LACTB: variants seen among roughly 807,000 people sequenced by gnomAD.
The protein encoded by LACTB is lactamase beta.
In LACTB, 35 loss-of-function variants were observed where a neutral mutation model predicts 50.2. The observed-to-expected ratio is 0.70, with a 90% CI of 0.53 to 0.92. The LOEUF (loss-of-function observed/expected upper bound fraction) is 0.92, where lower values mean the gene tolerates loss of function less well. Among genes scored for constraint, LACTB ranks in the 40% least tolerant of loss-of-function variants. The pLI, the probability that LACTB is intolerant of heterozygous loss-of-function variation, is 0.00. For missense variants in LACTB, 664 were observed against 691.8 expected, an observed-to-expected ratio of 0.96 and a Z score of 0.45; for synonymous variants, 252 against 268.2, an observed-to-expected ratio of 0.94 and a Z score of 0.59.
chr15:63,125,163 A>G (rs1313829909), intron 2 of LACTB, among the ~76,000 whole-genome samples: 1 of 131,870 alleles, frequency 7.6e-6, no homozygotes, highest in Non-Finnish European at 1.6e-5. Context: ...CTCTATAAAA[A>G]AAATTTTATT....
rs2037228511 is a variant in LACTB, at chr15:63,141,539, T to A, written c.1378T>A (p.Tyr460Asn). 1.2e-6 allele frequency: 2 copies of A among 1,614,198 alleles called. No individual in the cohort carries two copies. Among genetic ancestry groups the A allele is most frequent in the Non-Finnish European group, 1.7e-6 (2 of 1,180,034 alleles). Reference sequence around the variant, plus strand: ...GATGTCTTGGGATAAAGAGGGTAAATATGCAATGGCGTGGGGTGTTGTGGA... The same window carrying A: ...GATGTCTTGGGATAAAGAGGGTAAAAATGCAATGGCGTGGGGTGTTGTGGA... ...TEMSWDKEGK[Y>N]AMAWGVVERK... Residue 460 changes from tyrosine to asparagine, a missense_variant, in exon 6 of 6, where the codon TAT (tyrosine) becomes AAT (asparagine). Coordinates refer to ENST00000261893, the MANE Select transcript of LACTB (RefSeq NM_032857.5).
chr15:63,124,897 G>A (rs116250683), intron 2 of LACTB, among the ~76,000 whole-genome samples: 2,166 of 152,130 alleles, frequency 0.014, 45 homozygotes, highest in African/African-American at 0.048. Flanking sequence ...GAGGTTTGCA[G>A]TGAGCCAAGA....
At chr15:63,126,832 G>A in intron 2 of LACTB, 27 bp from the exon 3 acceptor site, 1 of 1,442,008 alleles carries the variant, frequency 6.9e-7, no homozygotes, top group East Asian at 2.5e-5. Context: ...CCTGTTAATA[G>A]TGACTTTTTG....
rs111980690 is a variant in LACTB, at chr15:63,132,808, G to A, written c.1118+3158G>A. 2.7e-4 allele frequency among the ~76,000 whole-genome samples: 41 copies of A among 152,114 alleles called. 1 individual carries two copies. The highest frequency in any genetic ancestry group is 8.7e-4 in the African/African-American group (36 of 41,468). On this transcript the variant is annotated intron_variant, in intron 5 of 5. Transcript: ENST00000261893. ...TGCACTCCAGCCTGGGCAAGAGAGC[G>A]AGACCCCATTTAAAAAAAATTTTTT...
chr15:63,124,091 T>C (rs2037016084), intron 2 of LACTB, among the ~76,000 whole-genome samples: 1 of 152,160 alleles, frequency 6.6e-6, no homozygotes, highest in African/African-American at 2.4e-5. Flanking sequence ...GCAACGGGCG[T>C]CTTCCTAGAT....
chr15:63,136,679 G>C (rs2037180881), intron 5 of LACTB, among the ~76,000 whole-genome samples: 2 of 151,822 alleles, frequency 1.3e-5, no homozygotes, highest in Non-Finnish European at 2.9e-5. Context: ...AGCTTTTTGG[G>C]GGAGTTCAGG....
chr15:63,134,196 TAGTGGGTTG>T (rs2037156193), intron 5 of LACTB, among the ~76,000 whole-genome samples: 1 of 152,200 alleles, frequency 6.6e-6, no homozygotes, highest in Non-Finnish European at 1.5e-5. Context: ...AAAATCAGTT[TAGTGGGTTG>T]AGTACCAGGA....
At chr15:63,130,319 A>C (rs1010962994) in intron 5 of LACTB, 1 of 152,238 alleles carries the variant, frequency 6.6e-6, no homozygotes, top group African/African-American at 2.4e-5. Context: ...AGCCTGGCCA[A>C]TGTGGTGAAA....
chr15:63,132,719 G>A (rs993013295), intron 5 of LACTB, among the ~76,000 whole-genome samples: 2 of 152,136 alleles, frequency 1.3e-5, no homozygotes, highest in South Asian at 4.1e-4. Flanking sequence ...TACTTGGGAG[G>A]CTGAGTTGGG....
At chr15:63,125,154 T>C (rs1272405065) in intron 2 of LACTB, among the ~76,000 whole-genome samples, 2 of 144,732 alleles carry the variant, frequency 1.4e-5, no homozygotes, top group Admixed American at 7.3e-5. Context: ...CACCTGTGTC[T>C]CTATAAAAAA....
chr15:63,138,934 C>G (rs1173473143), intron 5 of LACTB, among the ~76,000 whole-genome samples: 1 of 151,066 alleles, frequency 6.6e-6, no homozygotes, highest in Non-Finnish European at 1.5e-5. Context: ...GTAATCCCAG[C>G]TACTCAGGAG....
chr15:63,132,782 C>T (rs535295937), intron 5 of LACTB, among the ~76,000 whole-genome samples: 1 of 152,262 alleles, frequency 6.6e-6, no homozygotes, highest in East Asian at 1.9e-4. Flanking sequence ...GATTGCACCA[C>T]TGCACTCCAG....
At chr15:63,125,333 A>G (rs1188010255) in intron 2 of LACTB, among the ~76,000 whole-genome samples, 3 of 151,286 alleles carry the variant, frequency 2.0e-5, no homozygotes, top group African/African-American at 7.3e-5. Context: ...ACGCCTGGCT[A>G]ATTTTTGTAT....
chr15:63,127,464 A>C lies in LACTB; in HGVS notation c.727A>C (p.Lys243Gln), dbSNP rs930437390. 1 of 1,612,836 alleles carries C rather than the reference A, an allele frequency of 6.2e-7. No individual in the cohort carries two copies. Among genetic ancestry groups the C allele is most frequent in the African/African-American group, 1.3e-5 (1 of 74,874 alleles). Reference sequence around the variant, plus strand: ...AGCTTATAAAGCCTTGAAGATGATGAAAGAGAATGTTGCATTTGAGCAAGA... The same window carrying C: ...AGCTTATAAAGCCTTGAAGATGATGCAAGAGAATGTTGCATTTGAGCAAGA... ...EKAYKALKMM[K>Q]ENVAFEQEKE... The change falls in exon 4 of 6, where the codon AAA (lysine) becomes CAA (glutamine). Residue 243 changes from lysine to glutamine, a missense_variant. Coordinates refer to ENST00000261893, the MANE Select transcript of LACTB (RefSeq NM_032857.5).
chr15:63,126,858 G>A lies in LACTB; in HGVS notation c.425-1G>A. Reference sequence around the variant, plus strand: ...TGACTTTTTGCTTTTTTCCCCCAAAGGTTTAGGTTATGCTGATGTTGAGAA... The same window carrying A: ...TGACTTTTTGCTTTTTTCCCCCAAAAGTTTAGGTTATGCTGATGTTGAGAA... On this transcript the variant is annotated splice_acceptor_variant, in intron 2 of 5. Coordinates refer to ENST00000261893, the MANE Select transcript of LACTB (RefSeq NM_032857.5). LOFTEE classifies it high-confidence loss of function. 1 of 1,544,096 alleles carries A rather than the reference G, an allele frequency of 6.5e-7. No homozygotes were observed. The highest frequency in any genetic ancestry group is 2.3e-5 in the East Asian group (1 of 42,900).
At chr15:63,122,770 A>G in intron 2 of LACTB, 68 bp downstream of exon 2, 1 of 1,074,112 alleles carries the variant, frequency 9.3e-7, no homozygotes, top group Non-Finnish European at 1.4e-6. Context: ...TACTGGTTAG[A>G]GTGGATCCCA....
chr15:63,123,988 C>G (rs1207983514), intron 2 of LACTB, among the ~76,000 whole-genome samples: 1 of 148,832 alleles, frequency 6.7e-6, no homozygotes, highest in Non-Finnish European at 1.5e-5. Flanking sequence ...CTCTAAACTC[C>G]CCCGGAGAAA....
chr15:63,127,049 G>T lies in LACTB; in HGVS notation c.615G>T (p.Lys205Asn). 1 of 1,582,972 alleles carries T rather than the reference G, an allele frequency of 6.3e-7. No homozygotes were observed. The highest frequency in any genetic ancestry group is 1.1e-5 in the South Asian group (1 of 87,958). ...CAGAAAAAGAATATGAAGGTGAAAA[G>T]GTACTGAAACTCACAGTTCATTTTA... ...EFPEKEYEGE[K>N]VSVTTRLLIS... Residue 205 changes from lysine to asparagine, a missense_variant and splice_region_variant, in exon 3 of 6, where the codon AAG (lysine) becomes AAT (asparagine). Transcript: ENST00000261893.
intron 5 of LACTB, among the ~76,000 whole-genome samples, chr15:63,135,183 T>C (rs1238366044): frequency 6.6e-6 from 1 of 152,160 alleles, no homozygotes; most frequent in Admixed American, 6.5e-5. Context: ...TTTTGGAAAA[T>C]TTTTTAGCTT....
Sources: allele counts gnomAD v4.1 joint callset (sites outside exome capture counted in the v4.1 genomes callset), GRCh38; gene constraint gnomAD v4.1.1; transcripts MANE v1.5; gene names NCBI Gene and HGNC (gene_info 2026-07-23, HGNC 2026-07-21).